COL4A5: variants seen among roughly 807,000 people sequenced by gnomAD.
The protein encoded by COL4A5 is collagen type IV alpha 5 chain.
A neutral mutation model predicts 130.2 loss-of-function variants in COL4A5; 26 were observed. That is an observed-to-expected ratio of 0.20 (90% CI 0.15 to 0.28). COL4A5 has a LOEUF of 0.28. Ranked by LOEUF, COL4A5 falls within the 10% of genes least tolerant of loss-of-function variation. COL4A5 has a pLI of 1.00. For missense variants in COL4A5, 1,131 were observed against 1,344.3 expected, an observed-to-expected ratio of 0.84 and a Z score of 2.48; for synonymous variants, 496 against 439.6, an observed-to-expected ratio of 1.13 and a Z score of -1.60.
At chrX:108,542,283 G>A (rs1255574847) in intron 2 of COL4A5, among the ~76,000 whole-genome samples, 3 of 103,156 alleles carry the variant, frequency 2.9e-5, no homozygotes, top group Non-Finnish European at 5.9e-5. Flanking sequence ...ACAGGCCCTG[G>A]TGTGTGATGT....
chrX:108,507,233 C>CACA (rs1246404021), intron 1 of COL4A5, among the ~76,000 whole-genome samples: 1 of 80,603 alleles, frequency 1.2e-5, no homozygotes, highest in Non-Finnish European at 2.4e-5. Context: ...CTGGCAGAAA[C>CACA]ACAACAACAA....
Position 108,626,270 on chromosome X carries a change from C to T in COL4A5, c.3167C>T (p.Pro1056Leu). ...PSGVPGQPGS[P>L]GLPGQKGDKG... ...GGAGTTCCTGGACAACCTGGCTCCCCAGGATTACCTGGACAGAAAGGCGAC... is the reference window on the plus strand; with the variant it reads ...GGAGTTCCTGGACAACCTGGCTCCCTAGGATTACCTGGACAGAAAGGCGAC... Residue 1056 changes from proline (P) to leucine (L), a missense_variant, in exon 36 of 53, where the codon CCA becomes CTA. Physicochemically the swap from Pro to Leu is moderately conservative, Grantham distance 98 (BLOSUM62 -3). Transcript: ENST00000328300. The T allele has an allele frequency of 8.3e-7, 1 of 1,210,721 alleles. No individual in the cohort carries two copies. Among genetic ancestry groups the T allele is most frequent in the Non-Finnish European group, 1.1e-6 (1 of 894,897 alleles).
chrX:108,592,600 A>G (rs1003572939), intron 21 of COL4A5, among the ~76,000 whole-genome samples: 6 of 109,501 alleles, frequency 5.5e-5, no homozygotes, highest in Non-Finnish European at 9.5e-5. Flanking sequence ...ACTGCCTACC[A>G]CTCCACAAAT....
chrX:108,664,752 T>G (rs949563557), intron 37 of COL4A5, among the ~76,000 whole-genome samples: 1 of 112,028 alleles, frequency 8.9e-6, no homozygotes, highest in Admixed American at 9.5e-5. Flanking sequence ...TGGAGAAAAC[T>G]TTGAATAGAT....
chrX:108,617,329 G>T (rs1344927098), intron 30 of COL4A5, among the ~76,000 whole-genome samples: 1 of 111,487 alleles, frequency 9.0e-6, no homozygotes, highest in Non-Finnish European at 1.9e-5. Flanking sequence ...TTTGTAATAA[G>T]CTTATTTAAT....
intron 48 of COL4A5, among the ~76,000 whole-genome samples, chrX:108,686,462 T>G (rs761506551): frequency 8.9e-6 from 1 of 112,418 alleles, no homozygotes; most frequent in Non-Finnish European, 1.9e-5. Context: ...ATTTCCACAT[T>G]TGAAAATATC....
chrX:108,625,522 T>C (rs2067137159), intron 34 of COL4A5, among the ~76,000 whole-genome samples, 183 bp from the exon 35 acceptor site: 1 of 111,820 alleles, frequency 8.9e-6, no homozygotes, highest in Admixed American at 9.5e-5. Context: ...ATTACTATGG[T>C]TATATTGTAA....
In COL4A5 at chrX:108,629,991, T is replaced by A. The variant is rs182448171; in HGVS notation, c.3246+3642T>A. Among the ~76,000 whole-genome samples, 111 of 111,841 alleles carry A rather than the reference T, an allele frequency of 9.9e-4. 4 individuals are homozygous for A. In the East Asian group the frequency reaches 0.03, roughly 30 times the overall value. The stretch of plus-strand genomic sequence containing the variant: ...TGTCCCTACAAAGGACATGAGCTCA[T>A]CTTTTTTATGGCTGCATAGTATTCC... On this transcript the variant is annotated intron_variant, in intron 36 of 52. Coordinates refer to ENST00000328300, the MANE Select transcript of COL4A5 (RefSeq NM_033380.3).
At chrX:108,574,969 C>T (rs760561642) in intron 9 of COL4A5, among the ~76,000 whole-genome samples, 11 of 110,768 alleles carry the variant, frequency 9.9e-5, no homozygotes, top group Admixed American at 1.9e-4. Context: ...TGAAAATTTT[C>T]GTGGAGACAA....
chrX:108,477,068 C>T lies in COL4A5; in HGVS notation c.81+36862C>T, dbSNP rs148499493. 5.9e-3 allele frequency among the ~76,000 whole-genome samples: 662 copies of T among 111,603 alleles called. 3 individuals carry two copies. The highest frequency in any genetic ancestry group is 0.036 in the East Asian group (128 of 3,530). Reference sequence around the variant, plus strand: ...CATGTTTTTCTGCCTGCTTTATATTCGCTGGCAGCTAATTAGATTGTGCCC... The same window carrying T: ...CATGTTTTTCTGCCTGCTTTATATTTGCTGGCAGCTAATTAGATTGTGCCC... On this transcript the variant is annotated intron_variant, in intron 1 of 52. Transcript: ENST00000328300.
At chrX:108,635,258 G>T (rs1287760566) in intron 36 of COL4A5, among the ~76,000 whole-genome samples, 1 of 110,057 alleles carries the variant, frequency 9.1e-6, no homozygotes, top group African/African-American at 3.3e-5. Flanking sequence ...TTATTGTGAG[G>T]TTTCAATGAG....
intron 2 of COL4A5, among the ~76,000 whole-genome samples, chrX:108,542,998 C>T (rs2065574234): frequency 9.0e-6 from 1 of 110,582 alleles, no homozygotes; most frequent in South Asian, 3.8e-4. Context: ...ATTGTAGATT[C>T]TGGATATTAG....
At chrX:108,500,670 GA>G (rs904648523) in intron 1 of COL4A5, among the ~76,000 whole-genome samples, 30 of 111,820 alleles carry the variant, frequency 2.7e-4, no homozygotes, top group African/African-American at 2.9e-4. Context: ...AGAAATACTG[GA>G]AAAAAATGCA....
chrX:108,514,889 G>A (rs1603261496), intron 1 of COL4A5, among the ~76,000 whole-genome samples: 1 of 111,242 alleles, frequency 9.0e-6, no homozygotes, highest in Admixed American at 9.6e-5. Context: ...AAAAAGTGGT[G>A]TGCTTTTTTG....
intron 1 of COL4A5, among the ~76,000 whole-genome samples, chrX:108,506,283 G>T (rs5973879): frequency 9.0e-6 from 1 of 110,961 alleles, no homozygotes; most frequent in African/African-American, 3.3e-5. Context: ...TGGTGGAAAA[G>T]ATACTTATTG....
chrX:108,467,340 C>T (rs73541621), intron 1 of COL4A5, among the ~76,000 whole-genome samples: 1 of 111,340 alleles, frequency 9.0e-6, no homozygotes, highest in Non-Finnish European at 1.9e-5. Context: ...CTAGACTCTC[C>T]GTTCTATCTC....
intron 1 of COL4A5, among the ~76,000 whole-genome samples, chrX:108,509,327 G>A (rs1175926461): frequency 9.0e-6 from 1 of 111,243 alleles, no homozygotes; most frequent in East Asian, 2.8e-4. Context: ...TAACTAATGG[G>A]TACTAGGCTT....
At position 108,615,044 on chromosome X, in the gene COL4A5, G is replaced by C. The variant is rs764676596; in HGVS notation, c.2509+20G>C. Reference sequence around the variant, plus strand: ...AACCTGGTAAGATTAGAGTAAATGTGCATTTTGTAGCACTCATAATATATA... The same window carrying C: ...AACCTGGTAAGATTAGAGTAAATGTCCATTTTGTAGCACTCATAATATATA... On this transcript the variant is annotated intron_variant, in intron 30 of 52. Transcript: ENST00000328300. 8.5e-5 allele frequency: 86 copies of C among 1,017,386 alleles called. No homozygotes were observed. Among genetic ancestry groups the C allele is most frequent in the Non-Finnish European group, 1.1e-4 (78 of 721,334 alleles). The allele number at this position is 1,017,386 out of a possible 1,213,427, so 83.8% of individuals were successfully genotyped here.
chrX:108,560,082 G>T (rs756451864), intron 3 of COL4A5, among the ~76,000 whole-genome samples: 2 of 111,514 alleles, frequency 1.8e-5, no homozygotes, highest in Non-Finnish European at 3.8e-5. Flanking sequence ...ACTTTAAAGG[G>T]CTCTGTCAAA....
Sources: allele counts gnomAD v4.1 joint callset (sites outside exome capture counted in the v4.1 genomes callset), GRCh38; gene constraint gnomAD v4.1.1; transcripts MANE v1.5; gene names NCBI Gene and HGNC (gene_info 2026-07-23, HGNC 2026-07-21).